HHLA2: variants seen among roughly 807,000 people sequenced by gnomAD.
HHLA2 encodes HHLA2 member of B7 family, also known as HERV-H LTR-associating protein 2.
A neutral mutation model predicts 45.9 loss-of-function variants in HHLA2; 48 were observed. The observed-to-expected ratio is 1.05, with a 90% CI of 0.83 to 1.33. HHLA2 has a LOEUF of 1.33. Ranked by LOEUF, HHLA2 falls within the 40% of genes most tolerant of loss-of-function variation. The pLI, the probability that HHLA2 is intolerant of heterozygous loss-of-function variation, is 0.00. For synonymous variants in HHLA2, 161 were observed against 173.9 expected, an observed-to-expected ratio of 0.93 and a Z score of 0.59; for missense variants, 462 against 494.3, an observed-to-expected ratio of 0.93 and a Z score of 0.62.
intron 6 of HHLA2, among the ~76,000 whole-genome samples, chr3:108,356,087 T>G (rs986808455): frequency 7.1e-6 from 1 of 140,206 alleles, no homozygotes; most frequent in Non-Finnish European, 1.5e-5. Context: ...TGGAGTACAG[T>G]GGCATGATCT....
intron 3 of HHLA2, among the ~76,000 whole-genome samples, chr3:108,341,297 A>G (rs1053583816): frequency 6.6e-6 from 1 of 152,182 alleles, no homozygotes; most frequent in Admixed American, 6.5e-5. Context: ...CATTTGCAAG[A>G]TAATGCTTCA....
intron 8 of HHLA2, among the ~76,000 whole-genome samples, chr3:108,369,588 T>G (rs2082130278): frequency 6.6e-6 from 1 of 152,122 alleles, no homozygotes; most frequent in South Asian, 2.1e-4. Flanking sequence ...ACAGACGGCA[T>G]CTGGAAAATT....
rs570230779 is a variant in HHLA2, at chr3:108,369,965, T to C, written c.1109-5785T>C. ...TGTCTGACAGCTTTGAAGAGAGTAG[T>C]AGTTCTCCCAGCACGCAGCTTGAGA... On this transcript the variant is annotated intron_variant, in intron 8 of 10. Coordinates refer to ENST00000619531, the Ensembl canonical transcript of HHLA2. Among the ~76,000 whole-genome samples the C allele has an allele frequency of 7.9e-5, 12 of 152,276 alleles. No homozygotes were observed. In the East Asian group the frequency reaches 1.9e-3, roughly 25 times the overall value.
chr3:108,364,365 T>C (rs550585999), intron 8 of HHLA2, among the ~76,000 whole-genome samples: 5 of 152,374 alleles, frequency 3.3e-5, no homozygotes, highest in Admixed American at 3.3e-4. Flanking sequence ...GGTGTATATG[T>C]GCCACATTTT....
intron 3 of HHLA2, among the ~76,000 whole-genome samples, chr3:108,329,022 G>T (rs538518757): frequency 6.6e-6 from 1 of 152,266 alleles, no homozygotes; most frequent in African/African-American, 2.4e-5. Flanking sequence ...GACTGCTCAG[G>T]CTGCTTCAGC....
chr3:108,354,680 C>T (rs902692058), intron 5 of HHLA2, among the ~76,000 whole-genome samples: 11 of 151,998 alleles, frequency 7.2e-5, no homozygotes, highest in African/African-American at 2.7e-4. Flanking sequence ...TTTCTTCTGT[C>T]CCTTTTAGCT....
intron 1 of HHLA2, among the ~76,000 whole-genome samples, chr3:108,309,058 G>C (rs916741499): frequency 6.6e-6 from 1 of 152,050 alleles, no homozygotes; most frequent in South Asian, 2.1e-4. Context: ...CTGTGCTTGT[G>C]GGGTATTGCT....
exon 7 of HHLA2, chr3:108,357,960 T>A (rs2081925498): frequency 6.2e-7 from 1 of 1,613,804 alleles, no homozygotes; most frequent in African/African-American, 1.3e-5. Context: ...AAGTGGGACT[T>A]TCTCTGTCCT....
chr3:108,346,956 T>C (rs1421106318), intron 3 of HHLA2, among the ~76,000 whole-genome samples: 1 of 152,204 alleles, frequency 6.6e-6, no homozygotes, highest in East Asian at 1.9e-4. Flanking sequence ...GATTTCTTTT[T>C]TGCCATATTC....
chr3:108,347,508 G>T (rs1284812202), intron 3 of HHLA2, among the ~76,000 whole-genome samples: 1 of 152,174 alleles, frequency 6.6e-6, no homozygotes, highest in Non-Finnish European at 1.5e-5. Context: ...GGATGCTAGG[G>T]TTAAGAATTT....
intron 8 of HHLA2, among the ~76,000 whole-genome samples, chr3:108,373,907 G>C (rs1007750365): frequency 6.6e-6 from 1 of 150,526 alleles, no homozygotes; most frequent in African/African-American, 2.4e-5. Context: ...TACTGCCCAA[G>C]GTAATTTATA....
intron 6 of HHLA2, among the ~76,000 whole-genome samples, chr3:108,356,590 T>C (rs1015888835): frequency 2.6e-5 from 4 of 152,240 alleles, no homozygotes; most frequent in Non-Finnish European, 5.9e-5. Flanking sequence ...ATGTTAATAT[T>C]ATAAATATTG....
chr3:108,306,269 A>G (rs960394581), intron 1 of HHLA2, among the ~76,000 whole-genome samples: 2 of 152,114 alleles, frequency 1.3e-5, no homozygotes, highest in African/African-American at 4.8e-5. Flanking sequence ...GTCCCATCTT[A>G]GTGTCTGCTT....
At chr3:108,349,004 A>G (rs1376178750) in intron 3 of HHLA2, among the ~76,000 whole-genome samples, 5 of 152,130 alleles carry the variant, frequency 3.3e-5, no homozygotes, top group Non-Finnish European at 7.4e-5. Flanking sequence ...TCCATGGTGT[A>G]TATGTGCCAC....
chr3:108,366,837 T>C (rs9869710), intron 8 of HHLA2, among the ~76,000 whole-genome samples: 14,332 of 152,294 alleles, frequency 0.094, 979 homozygotes, highest in African/African-American at 0.19. Context: ...CATTTTTTAT[T>C]GTGTCTGTTT....
intron 9 of HHLA2, 129 bp from the exon 9 acceptor site, chr3:108,376,360 GTTGT>G: frequency 1.6e-6 from 1 of 644,690 alleles, no homozygotes; most frequent in Non-Finnish European, 2.6e-6. Context: ...CATTTTTCAT[GTTGT>G]TTGTTAAAGA....
intron 2 of HHLA2, among the ~76,000 whole-genome samples, chr3:108,327,931 G>A (rs1038037756): frequency 2.0e-5 from 3 of 152,048 alleles, no homozygotes; most frequent in Non-Finnish European, 2.9e-5. Context: ...TCAGGAGTTC[G>A]AGACCAGCCT....
intron 1 of HHLA2, among the ~76,000 whole-genome samples, chr3:108,309,121 G>T (rs1381895387): frequency 6.6e-6 from 1 of 152,032 alleles, no homozygotes; most frequent in Admixed American, 6.6e-5. Flanking sequence ...AGTGTTTCTT[G>T]TAACCGTTTC....
intron 3 of HHLA2, among the ~76,000 whole-genome samples, chr3:108,332,923 A>G (rs2081411031): frequency 6.6e-6 from 1 of 150,860 alleles, no homozygotes; most frequent in Admixed American, 6.6e-5. Context: ...GTTGCCAACA[A>G]AAAAAGAAAC....
Sources: gnomAD v4.1 joint callset for allele counts (sites outside exome capture counted in the v4.1 genomes callset) on GRCh38, gnomAD v4.1.1 for gene constraint, MANE v1.5 for transcripts, NCBI Gene and HGNC (gene_info 2026-07-23, HGNC 2026-07-21) for gene names.